Variants in FMN2 observed in about 807,000 individuals in gnomAD.
FMN2 encodes formin 2, also known as formin-2.
Under a neutral mutation model 142.3 loss-of-function variants are expected in FMN2, and 51 were observed. The observed-to-expected ratio is 0.36, with a 90% confidence interval of 0.29 to 0.45. The LOEUF is 0.45. FMN2 is among the 20% of genes least tolerant of loss of function. The pLI is 1.00. For synonymous variants in FMN2, 882 were observed against 869.8 expected (o/e 1.01, Z -0.25); for missense variants, 1,936 against 2,122.8 (o/e 0.91, Z 1.73).
chr1:240,415,674 G>A (rs1173995938), intron 15 of FMN2, among the ~76,000 whole-genome samples: 1 of 152,130 alleles, frequency 6.6e-6, no homozygotes, highest in Non-Finnish European at 1.5e-5. Flanking sequence ...AGCTTCTGAG[G>A]AAAGCATTAG....
In FMN2 at chr1:240,207,320, GT is replaced by G; in HGVS notation, c.2511del (p.Gln838LysfsTer49). 1 of 1,613,780 alleles carries G rather than the reference GT, an allele frequency of 6.2e-7. No individual in the cohort carries two copies. Among genetic ancestry groups the G allele is most frequent in the Non-Finnish European group, 8.5e-7 (1 of 1,179,844 alleles). On this transcript the variant is annotated frameshift_variant, in exon 5 of 18. Coordinates refer to ENST00000319653, the MANE Select transcript of FMN2 (RefSeq NM_020066.5). LOFTEE classifies it high-confidence loss of function. Reference sequence around the variant, plus strand: ...AGCCGCCCCATTCTATTTCTACCGAGTTTCAAACCAGCCACGAACACTCTGT... The same window carrying G: ...AGCCGCCCCATTCTATTTCTACCGAGTTCAAACCAGCCACGAACACTCTGT... ...SQPPHSISTE[F>X]QTSHEHSVSS...
At chr1:240,471,313 G>T (rs1195559018) in intron 16 of FMN2, among the ~76,000 whole-genome samples, 2 of 151,926 alleles carry the variant, frequency 1.3e-5, no homozygotes, top group Non-Finnish European at 2.9e-5. Context: ...AGTGTGTGTG[G>T]TATAGGAAGT....
At position 240,111,409 on chromosome 1, in the gene FMN2, C is replaced by T. The variant is rs181953326; in HGVS notation, c.1616-11770C>T. On this transcript the variant is annotated intron_variant, in intron 1 of 17. Transcript: ENST00000319653. ...GGCTACTCCATAGACAGAGCAGCCC[C>T]GAGGGCTGCTGGTTGCCCATTTTTA... Among the ~76,000 whole-genome samples the T allele has an allele frequency of 6.3e-3, 964 of 152,214 alleles. 14 individuals carry two copies. The highest frequency in any genetic ancestry group is 0.022 in the African/African-American group (905 of 41,544).
intron 6 of FMN2, among the ~76,000 whole-genome samples, chr1:240,213,391 G>A (rs1253600139): frequency 6.6e-6 from 1 of 152,124 alleles, no homozygotes; most frequent in Non-Finnish European, 1.5e-5. Flanking sequence ...CTTCAGATCT[G>A]TTTTTGGAGG....
chr1:240,098,372 G>A (rs1661296037), intron 1 of FMN2, among the ~76,000 whole-genome samples: 1 of 151,972 alleles, frequency 6.6e-6, no homozygotes, highest in Non-Finnish European at 1.5e-5. Flanking sequence ...CAAGTGCTAG[G>A]AGGCCTATCT....
chr1:240,144,460 C>G, intron 2 of FMN2: 21 of 1,574,188 alleles, frequency 1.3e-5, no homozygotes, highest in Non-Finnish European at 1.8e-5. Flanking sequence ...CTTCACTCAG[C>G]TCCAGGAACA....
chr1:240,247,555 A>T (rs1211476518), intron 6 of FMN2, among the ~76,000 whole-genome samples: 1 of 152,136 alleles, frequency 6.6e-6, no homozygotes, highest in Non-Finnish European at 1.5e-5. Flanking sequence ...ATTCTATAAG[A>T]CTTTTTAAAG....
At chr1:240,206,693 C>A in intron 4 of FMN2, 106 bp from the exon 5 acceptor site, 3 of 1,307,028 alleles carry the variant, frequency 2.3e-6, no homozygotes, top group Non-Finnish European at 3.1e-6. Flanking sequence ...GTCAAGGAGT[C>A]CTTCTGGAAG....
intron 6 of FMN2, among the ~76,000 whole-genome samples, chr1:240,246,134 C>CTT: frequency 6.6e-6 from 1 of 151,892 alleles, no homozygotes; most frequent in Admixed American, 6.6e-5. Flanking sequence ...GAGCTGAGAT[C>CTT]GCACCACTGC....
intron 2 of FMN2, among the ~76,000 whole-genome samples, chr1:240,131,903 C>T (rs1186043257): frequency 1.3e-5 from 2 of 152,120 alleles, no homozygotes; most frequent in African/African-American, 2.4e-5. Flanking sequence ...AACAGATTGG[C>T]ATTTGTAAAA....
At position 240,221,761 on chromosome 1, in the gene FMN2, T is replaced by C. The variant is rs189405317; in HGVS notation, c.4065+10526T>C. On this transcript the variant is annotated intron_variant, in intron 6 of 17. Coordinates refer to ENST00000319653, the MANE Select transcript of FMN2 (RefSeq NM_020066.5). ...AGATCCCGTTTGTCAATTTTGGCTT[T>C]TGTTGCCATTGCTTTTGGTGTTTTA... Among the ~76,000 whole-genome samples, 461 of 152,244 alleles carry C rather than the reference T, an allele frequency of 3.0e-3. 6 individuals carry two copies. The highest frequency in any genetic ancestry group is 9.9e-3 in the African/African-American group (412 of 41,544).
chr1:240,188,821 A>G (rs914768963), intron 4 of FMN2, among the ~76,000 whole-genome samples: 1 of 152,206 alleles, frequency 6.6e-6, no homozygotes, highest in African/African-American at 2.4e-5. Flanking sequence ...ACACTTCCAC[A>G]TGGCTGGGGA....
At chr1:240,387,634 G>A (rs962625041) in intron 14 of FMN2, among the ~76,000 whole-genome samples, 1 of 152,028 alleles carries the variant, frequency 6.6e-6, no homozygotes, top group Admixed American at 6.5e-5. Context: ...TAAAGGTCTT[G>A]GGCCATAATT....
At chr1:240,414,181 A>G (rs1406944068) in intron 15 of FMN2, among the ~76,000 whole-genome samples, 3 of 152,138 alleles carry the variant, frequency 2.0e-5, no homozygotes, top group Non-Finnish European at 4.4e-5. Context: ...CTGATTGTCA[A>G]TGTCACCGAA....
intron 6 of FMN2, among the ~76,000 whole-genome samples, chr1:240,231,234 T>C (rs1667515576): frequency 7.6e-6 from 1 of 132,382 alleles, no homozygotes; most frequent in South Asian, 2.3e-4. Context: ...CATTAAGCCT[T>C]CCAAAAAATA....
intron 14 of FMN2, among the ~76,000 whole-genome samples, chr1:240,365,152 T>TAC (rs562585262): frequency 1.4e-4 from 21 of 148,514 alleles, no homozygotes; most frequent in African/African-American, 5.5e-4. Flanking sequence ...TATAGATATA[T>TAC]ACACATATAC....
At chr1:240,327,912 C>T (rs958986001) in intron 8 of FMN2, among the ~76,000 whole-genome samples, 20 of 151,778 alleles carry the variant, frequency 1.3e-4, no homozygotes, top group East Asian at 3.9e-4. Flanking sequence ...TTTGGGAGGC[C>T]GAGATGGGTG....
chr1:240,250,324 T>C (rs1650459644), intron 6 of FMN2, among the ~76,000 whole-genome samples: 1 of 152,284 alleles, frequency 6.6e-6, no homozygotes, highest in Admixed American at 6.5e-5. Flanking sequence ...TATCAAATGC[T>C]TTTTCTGTGT....
intron 8 of FMN2, among the ~76,000 whole-genome samples, chr1:240,303,638 A>T (rs1670281127): frequency 6.6e-6 from 1 of 152,108 alleles, no homozygotes; most frequent in Non-Finnish European, 1.5e-5. Context: ...ATCTCGATGT[A>T]GGGCTCTTTG....
Sources: allele counts gnomAD v4.1 joint callset (sites outside exome capture counted in the v4.1 genomes callset), GRCh38; gene constraint gnomAD v4.1.1; transcripts MANE v1.5; gene names NCBI Gene and HGNC (gene_info 2026-07-23, HGNC 2026-07-21).